Variants in KCNIP4 observed in about 807,000 individuals in gnomAD.
KCNIP4 encodes Kv channel-interacting protein 4.
KCNIP4 carries 12 observed loss-of-function variants against 34.0 expected under a neutral mutation model. The observed-to-expected ratio is 0.35, with a 90% CI of 0.23 to 0.57. The LOEUF is 0.57. Among genes scored for constraint, KCNIP4 ranks in the 20% least tolerant of loss-of-function variants. The pLI, the probability that KCNIP4 is intolerant of heterozygous loss-of-function variation, is 0.83. For missense variants in KCNIP4, 238 were observed against 311.7 expected (o/e 0.76, Z 1.78); for synonymous variants, 124 against 102.2 (o/e 1.21, Z -1.29).
chr4:20,941,282 C>T (rs16870246), intron 1 of KCNIP4, among the ~76,000 whole-genome samples: 19,691 of 152,152 alleles, frequency 0.13, 1,818 homozygotes, highest in African/African-American at 0.27. Context: ...ATTTTTCCAA[C>T]GTTAGTAGTG....
At chr4:21,905,307 C>G (rs951659762) in intron 1 of KCNIP4, among the ~76,000 whole-genome samples, 1 of 152,124 alleles carries the variant, frequency 6.6e-6, no homozygotes, top group Non-Finnish European at 1.5e-5. Context: ...AGGAAGCAGG[C>G]TGAGCAATGG....
At chr4:20,857,743 T>G (rs1285668237) in intron 2 of KCNIP4, among the ~76,000 whole-genome samples, 1 of 152,094 alleles carries the variant, frequency 6.6e-6, no homozygotes, top group Non-Finnish European at 1.5e-5. Context: ...CCTCTCTTAT[T>G]TTGTCAAACT....
chr4:20,837,026 G>A (rs1719130407), intron 3 of KCNIP4, among the ~76,000 whole-genome samples: 1 of 151,982 alleles, frequency 6.6e-6, no homozygotes, highest in Non-Finnish European at 1.5e-5. Flanking sequence ...AAGTCCTTGG[G>A]ATATATTAAG....
intron 1 of KCNIP4, among the ~76,000 whole-genome samples, chr4:21,836,427 G>T (rs1390459239): frequency 6.6e-6 from 1 of 152,106 alleles, no homozygotes; most frequent in East Asian, 1.9e-4. Context: ...GGTGCGCAGT[G>T]ATGCCAAGAG....
chr4:21,423,745 G>A (rs1026047542), intron 1 of KCNIP4, among the ~76,000 whole-genome samples: 3 of 151,744 alleles, frequency 2.0e-5, no homozygotes, highest in Admixed American at 2.0e-4. Context: ...CATGCTACCA[G>A]CCAGCATTTG....
intron 1 of KCNIP4, among the ~76,000 whole-genome samples, chr4:21,638,146 T>C (rs1165502023): frequency 1.3e-5 from 2 of 152,190 alleles, no homozygotes; most frequent in East Asian, 3.8e-4. Context: ...AGGAAATGTT[T>C]TCTAGAAGAA....
chr4:20,742,863 G>A (rs1314717902), intron 5 of KCNIP4, among the ~76,000 whole-genome samples: 2 of 152,068 alleles, frequency 1.3e-5, no homozygotes, highest in Admixed American at 6.6e-5. Flanking sequence ...CAACTTAAGC[G>A]AAGTCTCAGG....
chr4:21,808,968 C>T (rs1231366717), intron 1 of KCNIP4, among the ~76,000 whole-genome samples: 1 of 152,148 alleles, frequency 6.6e-6, no homozygotes, highest in Non-Finnish European at 1.5e-5. Flanking sequence ...TCAAAAAATA[C>T]ATGTTTTCTC....
At chr4:21,691,046 CA>C in intron 1 of KCNIP4, among the ~76,000 whole-genome samples, 1 of 152,262 alleles carries the variant, frequency 6.6e-6, no homozygotes, top group Middle Eastern at 3.4e-3. Context: ...ATGCCACTTT[CA>C]ATATCTTTTG....
chr4:21,419,046 C>T (rs1008128301), intron 1 of KCNIP4, among the ~76,000 whole-genome samples: 4 of 152,150 alleles, frequency 2.6e-5, no homozygotes, highest in East Asian at 1.9e-4. Flanking sequence ...GCCTTCTACT[C>T]GGGAGTTTTC....
At chr4:20,834,454 A>C (rs2149462447) in intron 3 of KCNIP4, among the ~76,000 whole-genome samples, 1 of 152,262 alleles carries the variant, frequency 6.6e-6, no homozygotes, top group African/African-American at 2.4e-5. Context: ...ATTATTAGAG[A>C]TAATGATAAA....
intron 1 of KCNIP4, among the ~76,000 whole-genome samples, chr4:20,893,255 GAGA>G (rs994246088): frequency 3.9e-5 from 6 of 152,138 alleles, no homozygotes; most frequent in Non-Finnish European, 7.3e-5. Flanking sequence ...TAAATTAATA[GAGA>G]AGGTGAAATA....
At chr4:21,462,690 A>G (rs1441782782) in intron 1 of KCNIP4, among the ~76,000 whole-genome samples, 3 of 151,298 alleles carry the variant, frequency 2.0e-5, no homozygotes, top group Non-Finnish European at 4.4e-5. Context: ...TTCAGTTAAC[A>G]TAATGTCTTC....
intron 1 of KCNIP4, among the ~76,000 whole-genome samples, chr4:21,552,012 T>A (rs192889687): frequency 6.8e-6 from 1 of 147,790 alleles, no homozygotes; most frequent in African/African-American, 2.5e-5. Context: ...ATTGTGAAGA[T>A]TGAAAAAACA....
At chr4:21,440,607 T>C (rs559882130) in intron 1 of KCNIP4, among the ~76,000 whole-genome samples, 1 of 152,338 alleles carries the variant, frequency 6.6e-6, no homozygotes, top group South Asian at 2.1e-4. Context: ...GTCCGCCGGA[T>C]GGAACTGTTC....
chr4:21,831,048 C>A (rs141019791), intron 1 of KCNIP4, among the ~76,000 whole-genome samples: 1 of 152,014 alleles, frequency 6.6e-6, no homozygotes, highest in Non-Finnish European at 1.5e-5. Context: ...AACATGCTCC[C>A]GAACAACCAG....
chr4:21,486,735 A>G (rs1257623293), intron 1 of KCNIP4, among the ~76,000 whole-genome samples: 1 of 152,180 alleles, frequency 6.6e-6, no homozygotes, highest in Non-Finnish European at 1.5e-5. Context: ...TTTCCCATAT[A>G]TGCTGTATGC....
At chr4:21,514,505 C>T (rs1191164042) in intron 1 of KCNIP4, among the ~76,000 whole-genome samples, 1 of 152,108 alleles carries the variant, frequency 6.6e-6, no homozygotes, top group Non-Finnish European at 1.5e-5. Context: ...CCACAGAGAA[C>T]TCAGAGCCAA....
At chr4:21,865,410 A>C (rs1372193783) in intron 1 of KCNIP4, among the ~76,000 whole-genome samples, 1 of 152,130 alleles carries the variant, frequency 6.6e-6, no homozygotes, top group Non-Finnish European at 1.5e-5. Flanking sequence ...ATAGGACAAG[A>C]GAGAAAAGGA....
Sources: gnomAD v4.1 joint callset for allele counts (sites outside exome capture counted in the v4.1 genomes callset) on GRCh38, gnomAD v4.1.1 for gene constraint, MANE v1.5 for transcripts, NCBI Gene and HGNC (gene_info 2026-07-23, HGNC 2026-07-21) for gene names.